The following MRTFA variants were observed in gnomAD, a reference collection of about 807,000 sequenced individuals.
MRTFA encodes myocardin-related transcription factor A.
MRTFA carries 20 observed loss-of-function variants against 83.5 expected under a neutral mutation model. The observed-to-expected ratio is 0.24, with a 90% confidence interval of 0.17 to 0.35. MRTFA has a LOEUF of 0.35. Ranked by LOEUF, MRTFA falls within the 10% of genes least tolerant of loss-of-function variation. MRTFA has a pLI of 1.00. For synonymous variants in MRTFA, 659 were observed against 541.2 expected, an observed-to-expected ratio of 1.22 and a Z score of -3.02; for missense variants, 1,200 against 1,224.7, an observed-to-expected ratio of 0.98 and a Z score of 0.30.
At chr22:40,630,494 A>G (rs745523752) in intron 1 of MRTFA, among the ~76,000 whole-genome samples, 1 of 152,150 alleles carries the variant, frequency 6.6e-6, no homozygotes, top group Non-Finnish European at 1.5e-5. Flanking sequence ...TCAGACTTCA[A>G]CTTGGAGAAA....
chr22:40,427,284 G>C (rs1000683806), intron 7 of MRTFA, among the ~76,000 whole-genome samples: 4 of 152,156 alleles, frequency 2.6e-5, no homozygotes, highest in African/African-American at 7.2e-5. Context: ...TGAATTATAA[G>C]AGCTACTGTA....
intron 3 of MRTFA, among the ~76,000 whole-genome samples, chr22:40,508,540 A>G (rs955834925): frequency 6.7e-6 from 1 of 148,386 alleles, no homozygotes; most frequent in South Asian, 2.1e-4. Flanking sequence ...AAAAAAAAAA[A>G]GGATTCATTT....
At chr22:40,423,920 T>C (rs900721009) in intron 8 of MRTFA, among the ~76,000 whole-genome samples, 2 of 152,050 alleles carry the variant, frequency 1.3e-5, no homozygotes, top group African/African-American at 2.4e-5. Flanking sequence ...AACAGGCTGC[T>C]CCAAATAAAT....
At chr22:40,553,360 C>T (rs536095202) in intron 2 of MRTFA, among the ~76,000 whole-genome samples, 2 of 152,150 alleles carry the variant, frequency 1.3e-5, no homozygotes, top group Non-Finnish European at 2.9e-5. Context: ...AGCAGCGCCT[C>T]GAAGGCATAG....
chr22:40,464,625 G>A (rs1355759104), intron 3 of MRTFA, among the ~76,000 whole-genome samples: 1 of 152,092 alleles, frequency 6.6e-6, no homozygotes, highest in Non-Finnish European at 1.5e-5. Context: ...GGCCTTCCAA[G>A]TCACATCTGA....
At chr22:40,452,494 T>C (rs1917172096) in intron 4 of MRTFA, among the ~76,000 whole-genome samples, 6 of 152,110 alleles carry the variant, frequency 3.9e-5, no homozygotes, top group Admixed American at 3.3e-4. Flanking sequence ...GCTGTACTTT[T>C]TAGACATCAA....
intron 4 of MRTFA, among the ~76,000 whole-genome samples, chr22:40,444,942 C>T (rs1232075749): frequency 6.6e-6 from 1 of 152,150 alleles, no homozygotes. Flanking sequence ...TGGCAATCAC[C>T]TGTAGTCCCA....
intron 3 of MRTFA, among the ~76,000 whole-genome samples, chr22:40,539,578 C>G (rs1302558722): frequency 1.4e-5 from 2 of 144,874 alleles, no homozygotes; most frequent in Non-Finnish European, 3.1e-5. Flanking sequence ...TCTCGGCTCA[C>G]TGCAACCTCC....
At chr22:40,535,261 G>A (rs983559732) in intron 3 of MRTFA, among the ~76,000 whole-genome samples, 4 of 151,888 alleles carry the variant, frequency 2.6e-5, no homozygotes, top group Non-Finnish European at 5.9e-5. Context: ...AGCAACTAAG[G>A]GAAAAGCATC....
In MRTFA at chr22:40,423,623, A is replaced by C. The variant is rs2052890290; in HGVS notation, c.840T>G (p.Pro280=). 1.9e-6 allele frequency: 3 copies of C among 1,596,788 alleles called. No homozygotes were observed. Among genetic ancestry groups the C allele is most frequent in the South Asian group, 2.3e-5 (2 of 88,368 alleles). Residue 280 remains proline (P), a synonymous_variant, in exon 9 of 15, where the codon CCT becomes CCG. Transcript: ENST00000355630. ...GCAGCAGAGGTGGGGGAGGCAGAGG[A>C]GGCTGCTCTGCCAGGAAAAGCATTT...
At chr22:40,608,245 C>T (rs1353634188) in intron 1 of MRTFA, among the ~76,000 whole-genome samples, 1 of 152,124 alleles carries the variant, frequency 6.6e-6, no homozygotes, top group Non-Finnish European at 1.5e-5. Context: ...AAACTCCCGA[C>T]CTCAGGTGAT....
At chr22:40,591,472 G>C (rs141376083) in intron 2 of MRTFA, among the ~76,000 whole-genome samples, 58 of 152,318 alleles carry the variant, frequency 3.8e-4, no homozygotes, top group Non-Finnish European at 7.9e-4. Flanking sequence ...GCAATACGCA[G>C]AGTGGTGGAA....
At chr22:40,587,348 C>T (rs929402190) in intron 2 of MRTFA, 4 of 421,530 alleles carry the variant, frequency 9.5e-6, no homozygotes, top group East Asian at 6.7e-5. Context: ...AGGAATGTTT[C>T]GGAAGGCTTT....
intron 4 of MRTFA, among the ~76,000 whole-genome samples, chr22:40,451,032 A>G (rs2053476754): frequency 6.6e-6 from 1 of 152,212 alleles, no homozygotes. Context: ...TAGCATTAAA[A>G]TGAAAGTGCT....
intron 3 of MRTFA, among the ~76,000 whole-genome samples, chr22:40,509,982 T>TAAAAA (rs556051473): frequency 9.2e-4 from 100 of 108,112 alleles, no homozygotes; most frequent in South Asian, 5.5e-4. Flanking sequence ...CCAAGTACTT[T>TAAAAA]AAAAAAAAAA....
intron 4 of MRTFA, among the ~76,000 whole-genome samples, chr22:40,445,535 T>C (rs2147118602): frequency 6.6e-6 from 1 of 152,286 alleles, no homozygotes; most frequent in South Asian, 2.1e-4. Flanking sequence ...GGGTTTTTTT[T>C]TGTTTTGTTT....
chr22:40,498,273 A>AT (rs1189933906), intron 3 of MRTFA, among the ~76,000 whole-genome samples: 570 of 40,978 alleles, frequency 0.014, 97 homozygotes, highest in Middle Eastern at 0.024. Flanking sequence ...ATATATATAT[A>AT]TTTTTTTTTT....
intron 1 of MRTFA, among the ~76,000 whole-genome samples, chr22:40,630,328 A>G (rs1378445061): frequency 6.6e-6 from 1 of 152,008 alleles, no homozygotes; most frequent in Non-Finnish European, 1.5e-5. Context: ...AAAAAATAAA[A>G]ATAAAAAAAT....
At chr22:40,494,925 G>C (rs2054326497) in intron 3 of MRTFA, among the ~76,000 whole-genome samples, 1 of 152,048 alleles carries the variant, frequency 6.6e-6, no homozygotes, top group South Asian at 2.1e-4. Flanking sequence ...GGAGGTGATG[G>C]AAATAATCTA....
Sources: allele counts gnomAD v4.1 joint callset (sites outside exome capture counted in the v4.1 genomes callset), GRCh38; gene constraint gnomAD v4.1.1; transcripts MANE v1.5; gene names NCBI Gene and HGNC (gene_info 2026-07-23, HGNC 2026-07-21).